Variants in KBTBD3 observed in about 807,000 individuals in gnomAD.
KBTBD3 encodes the protein kelch repeat and BTB domain-containing protein 3.
In KBTBD3, 38 loss-of-function variants were observed where a neutral mutation model predicts 49.6. The observed-to-expected ratio is 0.77, with a 90% CI of 0.59 to 1.00. The LOEUF is 1.00. Ranked by LOEUF, KBTBD3 falls within the 50% of genes least tolerant of loss-of-function variation. The probability of loss-of-function intolerance (pLI) is 0.00; values close to 1 mark genes in which losing one functional copy is unlikely to be tolerated. For missense variants in KBTBD3, 661 were observed against 712.0 expected (o/e 0.93, Z 0.81); for synonymous variants, 214 against 250.4 (o/e 0.85, Z 1.37).
In KBTBD3 at chr11:106,053,369, T is replaced by TA; in HGVS notation, c.1319dup (p.Leu440PhefsTer31). On this transcript the variant is annotated frameshift_variant, in exon 4 of 4. Coordinates refer to ENST00000531837, the MANE Select transcript of KBTBD3 (RefSeq NM_198439.3). LOFTEE classifies it high-confidence loss of function. The stretch of plus-strand genomic sequence containing the variant: ...CTTCTGGATAGTATATGCCTCTGGG[T>TA]AATGGGCTAACAGATATCCATTCTT... 6.2e-7 allele frequency: 1 copy of TA among 1,613,330 alleles called. No homozygotes were observed. The highest frequency in any genetic ancestry group is 8.5e-7 in the Non-Finnish European group (1 of 1,179,820).
chr11:106,067,961 A>C (rs1261908121), intron 2 of KBTBD3, among the ~76,000 whole-genome samples: 1 of 152,206 alleles, frequency 6.6e-6, no homozygotes, highest in African/African-American at 2.4e-5. Flanking sequence ...TAATTAAAAT[A>C]AAGCAGGCAT....
At chr11:106,057,837 A>C (rs1391462499) in intron 3 of KBTBD3, 5 of 374,682 alleles carry the variant, frequency 1.3e-5, no homozygotes, top group Admixed American at 9.1e-5. Context: ...TAATACATGA[A>C]TACAACACAG....
intron 3 of KBTBD3, among the ~76,000 whole-genome samples, chr11:106,056,243 C>A (rs1860550216): frequency 6.6e-6 from 1 of 152,118 alleles, no homozygotes; most frequent in South Asian, 2.1e-4. Context: ...GAATTATGTA[C>A]TCATTTAATA....
At chr11:106,073,428 C>T (rs1860963399) in intron 2 of KBTBD3, among the ~76,000 whole-genome samples, 3 of 151,718 alleles carry the variant, frequency 2.0e-5, no homozygotes, top group Admixed American at 1.3e-4. Context: ...TACACATACT[C>T]TTTTAATCTT....
At chr11:106,062,650 C>A (rs1313829805) in intron 2 of KBTBD3, among the ~76,000 whole-genome samples, 1 of 152,212 alleles carries the variant, frequency 6.6e-6, no homozygotes, top group African/African-American at 2.4e-5. Flanking sequence ...TAAGGCCCAC[C>A]ACACAGGAGA....
intron 2 of KBTBD3, among the ~76,000 whole-genome samples, chr11:106,070,747 A>G (rs1350646415): frequency 6.6e-6 from 1 of 152,112 alleles, no homozygotes; most frequent in Non-Finnish European, 1.5e-5. Flanking sequence ...TGTGTGTGCA[A>G]TAGCCTCTAC....
In KBTBD3 at chr11:106,053,302, C is replaced by T. The variant is rs1478645768; in HGVS notation, c.1387G>A (p.Val463Ile). 1.9e-6 allele frequency: 3 copies of T among 1,613,400 alleles called. No individual in the cohort carries two copies. Among genetic ancestry groups the T allele is most frequent in the Non-Finnish European group, 2.5e-6 (3 of 1,179,814 alleles). Residue 463 changes from valine (V) to isoleucine (I), a missense_variant, in exon 4 of 4, where the codon GTA becomes ATA. Coordinates refer to ENST00000531837, the MANE Select transcript of KBTBD3 (RefSeq NM_198439.3). ...QNVIYVLGSE[V>I]EITDAFNPSL... ...GGGTTAAAAGCATCTGTAATCTCTA[C>T]CTCTGATCCAAGAACATAAATTACA... is the stretch of plus-strand genomic sequence containing the variant.
At chr11:106,067,767 C>A (rs1822498352) in intron 2 of KBTBD3, among the ~76,000 whole-genome samples, 1 of 151,904 alleles carries the variant, frequency 6.6e-6, no homozygotes, top group East Asian at 1.9e-4. Flanking sequence ...AAATTACAGA[C>A]TTCAATACTG....
Position 106,053,437 on chromosome 11 carries a change from T to C in KBTBD3, c.1252A>G (p.Ile418Val), listed in dbSNP as rs982361664. 5.6e-6 allele frequency: 9 copies of C among 1,613,510 alleles called. No homozygotes were observed. The highest frequency in any genetic ancestry group is 1.7e-5 in the Admixed American group (1 of 59,884). Residue 418 changes from isoleucine to valine, a missense_variant, in exon 4 of 4, where the codon ATT (isoleucine) becomes GTT (valine). Ile to Val is a conservative substitution (Grantham distance 29). Coordinates refer to ENST00000531837, the MANE Select transcript of KBTBD3 (RefSeq NM_198439.3). ...IGGKTRGSRD[I>V]KSLLDVESYN... is the part of the protein sequence containing the mutation. ...GATTCAACATCTAAGAGACTTTTAA[T>C]GTCCCGGGATCCTCTAGTTTTTCCA...
rs192422529 is a variant in KBTBD3, at chr11:106,055,495, C to T, written c.234-1040G>A. Among the ~76,000 whole-genome samples the T allele has an allele frequency of 1.9e-4, 29 of 152,244 alleles. No individual in the cohort carries two copies. In the East Asian group the frequency reaches 5.6e-3, roughly 29 times the overall value. The stretch of plus-strand genomic sequence containing the variant: ...ATGAGGGGACTTGCAAAATGTTACA[C>T]ATTACGCAGGGATTTTTAGTAATGT... On this transcript the variant is annotated intron_variant, in intron 3 of 3. Coordinates refer to ENST00000531837, the MANE Select transcript of KBTBD3 (RefSeq NM_198439.3).
At chr11:106,060,442 C>G (rs917868164) in intron 2 of KBTBD3, among the ~76,000 whole-genome samples, 1 of 152,130 alleles carries the variant, frequency 6.6e-6, no homozygotes, top group Non-Finnish European at 1.5e-5. Context: ...ATTCTCATAT[C>G]TGCTTCTTTA....
chr11:106,073,639 T>C (rs1449465791), intron 2 of KBTBD3, among the ~76,000 whole-genome samples: 1 of 152,186 alleles, frequency 6.6e-6, no homozygotes, highest in Non-Finnish European at 1.5e-5. Flanking sequence ...ATTTGAGAAT[T>C]GAATGATAAG....
In KBTBD3 at chr11:106,053,824, G is replaced by A. The variant is rs1052307971; in HGVS notation, c.865C>T (p.Arg289Ter). The change falls in exon 4 of 4, where the codon CGA becomes TGA. Residue 289 changes from arginine (R) to a stop codon, truncating the protein, a stop_gained. Transcript: ENST00000531837. LOFTEE classifies it high-confidence loss of function. ...ATGTATTTCTCAGTTGTGGATGGTC[G>A]AGCATCAGGGAAGAGTCCACCAGAA... is the stretch of plus-strand genomic sequence containing the variant. ...QGSGGLFPDA[R>*]PSTTEKYIFI... 1.2e-6 allele frequency: 2 copies of A among 1,613,808 alleles called. No homozygotes were observed. Among genetic ancestry groups the A allele is most frequent in the Non-Finnish European group, 1.7e-6 (2 of 1,179,854 alleles).
chr11:106,054,070 A>G lies in KBTBD3; in HGVS notation c.619T>C (p.Leu207=), dbSNP rs775683257. 6.2e-7 allele frequency: 1 copy of G among 1,613,570 alleles called. No homozygotes were observed. The highest frequency in any genetic ancestry group is 1.1e-5 in the South Asian group (1 of 91,052). ...VLQKCLESDE[L]NVPEEEMVLK... ...ACCATTTCTTCTTCAGGAACATTTA[A>G]TTCATCTGATTCCAGACATTTCTGT... Residue 207 remains leucine (L), a synonymous_variant, in exon 4 of 4, where the codon TTA becomes CTA. Coordinates refer to ENST00000531837, the MANE Select transcript of KBTBD3 (RefSeq NM_198439.3).
intron 3 of KBTBD3, chr11:106,058,175 G>C (rs1226918489): frequency 3.0e-6 from 1 of 331,646 alleles, no homozygotes; most frequent in Non-Finnish European, 5.4e-6. Context: ...ACGAGGTCAG[G>C]AGATTGAGAC....
intron 2 of KBTBD3, among the ~76,000 whole-genome samples, chr11:106,064,604 A>T (rs867258301): frequency 6.6e-6 from 1 of 152,134 alleles, no homozygotes; most frequent in African/African-American, 2.4e-5. Context: ...GCAAAAGGGC[A>T]CGCAAAGCAG....
chr11:106,067,224 A>T (rs1360073271), intron 2 of KBTBD3, among the ~76,000 whole-genome samples: 1 of 152,196 alleles, frequency 6.6e-6, no homozygotes, highest in African/African-American at 2.4e-5. Flanking sequence ...AGAGCCTAGA[A>T]TTTCACTAAT....
At chr11:106,072,547 T>C (rs901793645) in intron 2 of KBTBD3, among the ~76,000 whole-genome samples, 1 of 152,210 alleles carries the variant, frequency 6.6e-6, no homozygotes. Flanking sequence ...ATGATTGTTA[T>C]TCTTTTTTTT....
At chr11:106,074,525 C>T (rs1031632115) in intron 2 of KBTBD3, among the ~76,000 whole-genome samples, 3 of 152,166 alleles carry the variant, frequency 2.0e-5, no homozygotes, top group Non-Finnish European at 4.4e-5. Context: ...AGTTTCTGTG[C>T]CACAACATTC....
Sources: gnomAD v4.1 joint callset for allele counts (sites outside exome capture counted in the v4.1 genomes callset) on GRCh38, gnomAD v4.1.1 for gene constraint, MANE v1.5 for transcripts, NCBI Gene and HGNC (gene_info 2026-07-23, HGNC 2026-07-21) for gene names.